Variants in TDRP observed in about 807,000 individuals in gnomAD.
TDRP encodes testis development-related protein.
Under a neutral mutation model 10.5 loss-of-function variants are expected in TDRP, and 12 were observed. That is an observed-to-expected ratio of 1.15 (90% CI 0.73 to 1.86). The LOEUF (loss-of-function observed/expected upper bound fraction) is 1.86, where lower values mean the gene tolerates loss of function less well. Among genes scored for constraint, TDRP ranks in the 40% most tolerant of loss-of-function variants. The pLI, the probability that TDRP is intolerant of heterozygous loss-of-function variation, is 0.00. For missense variants in TDRP, 353 were observed against 229.2 expected (o/e 1.54, Z -3.49); for synonymous variants, 139 against 95.4 (o/e 1.46, Z -2.67).
At chr8:501,498 C>T (rs1337409068) in intron 1 of TDRP, among the ~76,000 whole-genome samples, 1 of 151,858 alleles carries the variant, frequency 6.6e-6, no homozygotes, top group Non-Finnish European at 1.5e-5. Flanking sequence ...AGGCGATGGC[C>T]ACCACACCCA....
At chr8:539,799 C>T (rs1449717615) in intron 1 of TDRP, among the ~76,000 whole-genome samples, 2 of 152,192 alleles carry the variant, frequency 1.3e-5, no homozygotes. Flanking sequence ...AAGCAAACGT[C>T]ACAGAGCCTC....
intron 1 of TDRP, among the ~76,000 whole-genome samples, chr8:497,058 C>A (rs1183577099): frequency 6.6e-6 from 1 of 152,152 alleles, no homozygotes; most frequent in Admixed American, 6.5e-5. Flanking sequence ...AGTGTGAAAA[C>A]AGACTAACAC....
At chr8:530,450 C>G (rs200855127) in intron 1 of TDRP, among the ~76,000 whole-genome samples, 15 of 152,150 alleles carry the variant, frequency 9.9e-5, no homozygotes, top group East Asian at 7.7e-4. Context: ...TTTGGGGTAT[C>G]TGAAAAAACA....
At chr8:495,861 G>A (rs561933701) in intron 1 of TDRP, among the ~76,000 whole-genome samples, 46 of 152,238 alleles carry the variant, frequency 3.0e-4, no homozygotes, top group African/African-American at 7.5e-4. Flanking sequence ...AGGGGCAAAG[G>A]GCAGAGATGA....
At chr8:543,029 C>G (rs1408859462) in intron 1 of TDRP, among the ~76,000 whole-genome samples, 1 of 152,102 alleles carries the variant, frequency 6.6e-6, no homozygotes, top group African/African-American at 2.4e-5. Flanking sequence ...AACTTAAGGC[C>G]AGGCGTGGTG....
At chr8:538,130 A>G (rs1408557256) in intron 1 of TDRP, among the ~76,000 whole-genome samples, 1 of 152,240 alleles carries the variant, frequency 6.6e-6, no homozygotes, top group Non-Finnish European at 1.5e-5. Flanking sequence ...GGTTTGGTTC[A>G]GCTCCCAACA....
intron 1 of TDRP, among the ~76,000 whole-genome samples, chr8:527,311 A>G (rs1351702519): frequency 1.3e-5 from 2 of 152,216 alleles, no homozygotes; most frequent in Non-Finnish European, 2.9e-5. Context: ...GGACTGGAAG[A>G]GTCACTATTG....
chr8:511,834 T>C (rs1801627215), intron 1 of TDRP, among the ~76,000 whole-genome samples: 1 of 152,130 alleles, frequency 6.6e-6, no homozygotes, highest in African/African-American at 2.4e-5. Context: ...AAATTACCAA[T>C]GGGTCTAAGA....
intron 1 of TDRP, among the ~76,000 whole-genome samples, chr8:501,875 G>A (rs572615971): frequency 6.6e-6 from 1 of 152,272 alleles, no homozygotes; most frequent in South Asian, 2.1e-4. Context: ...GTGAAGATGA[G>A]GGGAACATGG....
chr8:495,648 G>A (rs528200715), intron 1 of TDRP, among the ~76,000 whole-genome samples: 13 of 152,274 alleles, frequency 8.5e-5, no homozygotes, highest in South Asian at 4.1e-4. Flanking sequence ...GGTCTCTCAC[G>A]GGGTAGAGCC....
intron 1 of TDRP, among the ~76,000 whole-genome samples, chr8:533,882 A>G (rs1802276401): frequency 1.3e-5 from 2 of 152,202 alleles, no homozygotes; most frequent in Non-Finnish European, 2.9e-5. Context: ...TTTATCTCCC[A>G]TAGTAAGACT....
chr8:516,755 A>C (rs993125792), intron 1 of TDRP, among the ~76,000 whole-genome samples: 1 of 152,192 alleles, frequency 6.6e-6, no homozygotes, highest in Non-Finnish European at 1.5e-5. Context: ...TATTTATCCA[A>C]ATGACTTGAA....
intron 1 of TDRP, chr8:494,914 A>C (rs1801085052): frequency 9.3e-6 from 2 of 215,126 alleles, no homozygotes; most frequent in Admixed American, 5.4e-5. Flanking sequence ...TTCCCTCACA[A>C]ATAAGAATTA....
In TDRP at chr8:501,352, G is replaced by A. The variant is rs192540849; in HGVS notation, c.109-6755C>T. On this transcript the variant is annotated intron_variant, in intron 1 of 2. Transcript: ENST00000324079. ...GCAAATTTCCTGGTATACTTCTTTTGTTTTGTCTTTTTGAGATGGAGTCTT... is the reference window on the plus strand; with the variant it reads ...GCAAATTTCCTGGTATACTTCTTTTATTTTGTCTTTTTGAGATGGAGTCTT... Among the ~76,000 whole-genome samples, 3 of 151,926 alleles carry A rather than the reference G, an allele frequency of 2.0e-5. No homozygotes were observed. The East Asian group carries it at 5.9e-4, about 30-fold the overall frequency.
At chr8:540,725 TAA>T (rs1802469963) in intron 1 of TDRP, among the ~76,000 whole-genome samples, 1 of 151,850 alleles carries the variant, frequency 6.6e-6, no homozygotes, top group Non-Finnish European at 1.5e-5. Context: ...TAGTAATAGT[TAA>T]GTGTCCCATA....
At position 518,327 on chromosome 8, in the gene TDRP, C is replaced by T. The variant is rs144495138; in HGVS notation, c.109-23730G>A. Among the ~76,000 whole-genome samples, 497 of 152,284 alleles carry T rather than the reference C, an allele frequency of 3.3e-3. 2 individuals carry two copies. The highest frequency in any genetic ancestry group is 0.01 in the Middle Eastern group (3 of 292). ...GAAAAAGAGAAGATGACAACAATAA[C>T]TGGCTCAATAACACACACAACAAAG... On this transcript the variant is annotated intron_variant, in intron 1 of 2. Transcript: ENST00000324079.
chr8:495,677 G>C (rs894056871), intron 1 of TDRP, among the ~76,000 whole-genome samples: 1 of 152,166 alleles, frequency 6.6e-6, no homozygotes, highest in African/African-American at 2.4e-5. Context: ...AATACTTTGC[G>C]TTGTTAAAAA....
At chr8:519,825 C>G (rs576024064) in intron 1 of TDRP, among the ~76,000 whole-genome samples, 1 of 152,302 alleles carries the variant, frequency 6.6e-6, no homozygotes, top group East Asian at 1.9e-4. Context: ...ACCCTGATGG[C>G]TCATCTTGAA....
intron 1 of TDRP, among the ~76,000 whole-genome samples, chr8:501,519 G>T (rs1237043386): frequency 6.6e-6 from 1 of 151,822 alleles, no homozygotes; most frequent in African/African-American, 2.4e-5. Flanking sequence ...GCTAATTTTT[G>T]TATTTTTAGT....
Sources: gnomAD v4.1 joint callset for allele counts (sites outside exome capture counted in the v4.1 genomes callset) on GRCh38, gnomAD v4.1.1 for gene constraint, MANE v1.5 for transcripts, NCBI Gene and HGNC (gene_info 2026-07-23, HGNC 2026-07-21) for gene names.